Variants in ZNF518A observed in about 807,000 individuals in gnomAD.
The protein encoded by ZNF518A is zinc finger protein 518A.
In ZNF518A, 47 loss-of-function variants were observed where a neutral mutation model predicts 102.7. The observed-to-expected ratio is 0.46, with a 90% confidence interval of 0.36 to 0.58. The LOEUF is 0.58. ZNF518A is among the 20% of genes least tolerant of loss of function. The probability of loss-of-function intolerance (pLI) is 0.00; values close to 1 mark genes in which losing one functional copy is unlikely to be tolerated. For missense variants in ZNF518A, 1,793 were observed against 1,699.8 expected (o/e 1.05, Z -0.96); for synonymous variants, 652 against 594.6 (o/e 1.10, Z -1.40).
chr10:96,163,504 A>G lies in ZNF518A; in HGVS notation c.*2730A>G, dbSNP rs1554889161. ...TTCTTACTATTTGGCAAGTACTTAAAAAACATAATTCAGTTTTCAAAGAAT... is the reference window on the plus strand; with the variant it reads ...TTCTTACTATTTGGCAAGTACTTAAGAAACATAATTCAGTTTTCAAAGAAT... On this transcript the variant is annotated 3_prime_UTR_variant, in exon 6 of 6. Coordinates refer to ENST00000316045, the MANE Select transcript of ZNF518A (RefSeq NM_001330736.2). 1 of 167,082 alleles carries G rather than the reference A, an allele frequency of 6.0e-6. No homozygotes were observed. Among genetic ancestry groups the G allele is most frequent in the East Asian group, 1.9e-4 (1 of 5,208 alleles). The allele number at this position is 167,082 out of a possible 1,614,324, so 10.3% of individuals were successfully genotyped here.
intron 1 of ZNF518A, among the ~76,000 whole-genome samples, chr10:96,188,147 G>A (rs1408008111): frequency 2.0e-5 from 3 of 152,200 alleles, no homozygotes; most frequent in Admixed American, 2.0e-4. Context: ...ACCATGCCCA[G>A]CCTCTTAAAG....
In ZNF518A at chr10:96,158,683, T is replaced by G. The variant is rs2082832806; in HGVS notation, c.2361T>G (p.Leu787=). The change falls in exon 6 of 6, where the codon CTT becomes CTG. Residue 787 remains leucine, a synonymous_variant. Transcript: ENST00000316045. ...EFLPPEVNQL[L]QDVLKIKPDV... ...TGCCACCTGAAGTAAACCAATTGCT[T>G]CAGGATGTATTGAAAATAAAACCTG... is the stretch of plus-strand genomic sequence containing the variant. 1 of 1,613,326 alleles carries G rather than the reference T, an allele frequency of 6.2e-7. No individual in the cohort carries two copies. The highest frequency in any genetic ancestry group is 8.5e-7 in the Non-Finnish European group (1 of 1,179,574).
chr10:96,168,727 A>G (rs960377463), downstream of ZNF518A, among the ~76,000 whole-genome samples: 1 of 152,042 alleles, frequency 6.6e-6, no homozygotes, highest in Non-Finnish European at 1.5e-5. Flanking sequence ...TCAGCTGTTA[A>G]TTCTCCTGAG....
chr10:96,160,876 T>C lies in ZNF518A; in HGVS notation c.*102T>C. 1.7e-6 allele frequency: 2 copies of C among 1,205,498 alleles called. No homozygotes were observed. The highest frequency in any genetic ancestry group is 2.2e-6 in the Non-Finnish European group (2 of 907,516). The allele number at this position is 1,205,498 out of a possible 1,614,324, so 74.7% of individuals were successfully genotyped here. ...ACATTTTCTACTTCAGTATAGTACCTGAAATCGAACATTTTAAAAGTTGAT... is the reference window on the plus strand; with the variant it reads ...ACATTTTCTACTTCAGTATAGTACCCGAAATCGAACATTTTAAAAGTTGAT... On this transcript the variant is annotated 3_prime_UTR_variant, in exon 6 of 6. Coordinates refer to ENST00000316045, the MANE Select transcript of ZNF518A (RefSeq NM_001330736.2).
chr10:96,142,305 G>GGGGTGTGTGTGTGT (rs1299273019), intron 3 of ZNF518A, among the ~76,000 whole-genome samples: 39 of 104,132 alleles, frequency 3.7e-4, no homozygotes, highest in Non-Finnish European at 8.0e-4. Context: ...ATATTCTTAG[G>GGGGTGTGTGTGTGT]GTGTGTGTGT....
Position 96,160,940 on chromosome 10 carries a change from T to C in ZNF518A, c.*166T>C, listed in dbSNP as rs74151277. The C allele has an allele frequency of 4.2e-4, 284 of 682,494 alleles. No homozygotes were observed. In the African/African-American group the frequency reaches 4.8e-3, roughly 12 times the overall value. 42.3% of individuals were successfully genotyped at this position (682,494 alleles called of 1,614,324 possible). A position where few individuals can be genotyped will look rare whatever the true frequency, so the allele number is the denominator to read the frequency against. Reference sequence around the variant, plus strand: ...AAGAGTAAAAGTTGTATGTATGATATTTGAAAATGCTATCCCTGCACTCAA... The same window carrying C: ...AAGAGTAAAAGTTGTATGTATGATACTTGAAAATGCTATCCCTGCACTCAA... On this transcript the variant is annotated 3_prime_UTR_variant, in exon 6 of 6. Transcript: ENST00000316045.
At chr10:96,145,244 A>AT (rs1230382812) in intron 3 of ZNF518A, among the ~76,000 whole-genome samples, 1 of 152,012 alleles carries the variant, frequency 6.6e-6, no homozygotes. Flanking sequence ...TGATTTTTGT[A>AT]TTTTTAGTAG....
chr10:96,176,801 G>A (rs1390855110), intron 1 of ZNF518A, among the ~76,000 whole-genome samples: 5 of 151,970 alleles, frequency 3.3e-5, no homozygotes, highest in African/African-American at 4.8e-5. Flanking sequence ...GAGGGCTGAC[G>A]CAGGAGAATC....
In ZNF518A at chr10:96,145,736, T is replaced by G. The variant is rs79909698; in HGVS notation, c.-301-9590T>G. 5.2e-3 allele frequency among the ~76,000 whole-genome samples: 797 copies of G among 152,356 alleles called. 6 individuals carry two copies. Among genetic ancestry groups the G allele is most frequent in the South Asian group, 0.012 (60 of 4,822 alleles). ...TTATACTGGCAGCAAGTATATTATT[T>G]TGAGTTTAAGAAAAACTCAGTTGGT... On this transcript the variant is annotated intron_variant, in intron 3 of 5. Coordinates refer to ENST00000316045, the MANE Select transcript of ZNF518A (RefSeq NM_001330736.2).
chr10:96,141,439 A>G (rs782817532), intron 3 of ZNF518A, among the ~76,000 whole-genome samples: 2 of 152,212 alleles, frequency 1.3e-5, no homozygotes, highest in African/African-American at 4.8e-5. Flanking sequence ...ACCGAAAACT[A>G]TATGAACAGA....
At chr10:96,167,326 C>T (rs1466233741), downstream of ZNF518A, among the ~76,000 whole-genome samples, 2 of 151,956 alleles carry the variant, frequency 1.3e-5, no homozygotes, top group East Asian at 3.9e-4. Flanking sequence ...GCGTGGTGGG[C>T]GCCTGTAGTC....
chr10:96,150,734 C>T (rs370950708), intron 3 of ZNF518A, among the ~76,000 whole-genome samples: 136 of 39,426 alleles, frequency 3.4e-3, no homozygotes, highest in Admixed American at 6.1e-3. Flanking sequence ...CAGCAACTTT[C>T]TTTCTTTCCT....
In ZNF518A at chr10:96,158,459, A is replaced by G. The variant is rs782108540; in HGVS notation, c.2137A>G (p.Lys713Glu). The G allele has an allele frequency of 6.2e-7, 1 of 1,612,614 alleles. No homozygotes were observed. The highest frequency in any genetic ancestry group is 8.5e-7 in the Non-Finnish European group (1 of 1,179,578). Residue 713 changes from lysine to glutamate, a missense_variant, in exon 6 of 6, where the codon AAA (lysine) becomes GAA (glutamate). By Grantham distance (56) the Lys-to-Glu change is moderately conservative (BLOSUM62 1). Transcript: ENST00000316045. ...LNDKDGTLKA[K>E]SEIEEQYVLE... Reference sequence around the variant, plus strand: ...TGATAAAGATGGAACTTTAAAAGCAAAATCTGAAATTGAAGAACAGTATGT... The same window carrying G: ...TGATAAAGATGGAACTTTAAAAGCAGAATCTGAAATTGAAGAACAGTATGT...
chr10:96,132,006 ATAC>A (rs2081361802), intron 1 of ZNF518A, among the ~76,000 whole-genome samples: 1 of 150,446 alleles, frequency 6.6e-6, no homozygotes, highest in African/African-American at 2.4e-5. Context: ...AGAGCACTTA[ATAC>A]TACTTTTTTT....
At chr10:96,166,113 G>GT (rs1321854157), downstream of ZNF518A, among the ~76,000 whole-genome samples, 1 of 152,158 alleles carries the variant, frequency 6.6e-6, no homozygotes, top group Non-Finnish European at 1.5e-5. Context: ...GGGGTATGGC[G>GT]TTAGGCGTGG....
In ZNF518A at chr10:96,163,038, C is replaced by T. The variant is rs1420249818; in HGVS notation, c.*2264C>T. On this transcript the variant is annotated 3_prime_UTR_variant, in exon 6 of 6. Coordinates refer to ENST00000316045, the MANE Select transcript of ZNF518A (RefSeq NM_001330736.2). ...ATATAGATCTGTTATGAGACATCACCTGCTGTAAATAGCAAGGAGAGAGAA... is the reference window on the plus strand; with the variant it reads ...ATATAGATCTGTTATGAGACATCACTTGCTGTAAATAGCAAGGAGAGAGAA... 1 of 166,966 alleles carries T rather than the reference C, an allele frequency of 6.0e-6. No homozygotes were observed. The highest frequency in any genetic ancestry group is 2.4e-5 in the African/African-American group (1 of 41,436). The allele number at this position is 166,966 out of a possible 1,614,324, so 10.3% of individuals were successfully genotyped here.
intron 1 of ZNF518A, chr10:96,189,411 G>A: frequency 1.7e-6 from 1 of 596,992 alleles, no homozygotes; most frequent in Non-Finnish European, 3.2e-6. Flanking sequence ...CTGGTCAGTT[G>A]TCCGGAAGCA....
At chr10:96,137,589 G>T (rs1408342149) in intron 3 of ZNF518A, among the ~76,000 whole-genome samples, 1 of 152,134 alleles carries the variant, frequency 6.6e-6, no homozygotes, top group Non-Finnish European at 1.5e-5. Context: ...TCTTCATTTT[G>T]CTTTGAGGAT....
In ZNF518A at chr10:96,163,637, A is replaced by G. The variant is rs1554889228; in HGVS notation, c.*2863A>G. 6.0e-6 allele frequency: 1 copy of G among 167,062 alleles called. No homozygotes were observed. Among genetic ancestry groups the G allele is most frequent in the African/African-American group, 2.4e-5 (1 of 41,454 alleles). The allele number at this position is 167,062 out of a possible 1,614,324, so 10.3% of individuals were successfully genotyped here. On this transcript the variant is annotated 3_prime_UTR_variant, in exon 6 of 6. Coordinates refer to ENST00000316045, the MANE Select transcript of ZNF518A (RefSeq NM_001330736.2). Reference sequence around the variant, plus strand: ...ATTTTTTCAATAAAGGGTCAGATAAATAAGCTTCGTAGGCCTTCTAGTTTC... The same window carrying G: ...ATTTTTTCAATAAAGGGTCAGATAAGTAAGCTTCGTAGGCCTTCTAGTTTC...
Sources: gnomAD v4.1 joint callset for allele counts (sites outside exome capture counted in the v4.1 genomes callset) on GRCh38, gnomAD v4.1.1 for gene constraint, MANE v1.5 for transcripts, NCBI Gene and HGNC (gene_info 2026-07-23, HGNC 2026-07-21) for gene names.